CLEC16A: variants seen among roughly 807,000 people sequenced by gnomAD.
CLEC16A encodes protein CLEC16A.
In CLEC16A, 51 loss-of-function variants were observed where a neutral mutation model predicts 109.5. That is an observed-to-expected ratio of 0.47 (90% CI 0.37 to 0.59). The LOEUF is 0.59. CLEC16A is among the 20% of genes least tolerant of loss of function. The pLI, the probability that CLEC16A is intolerant of heterozygous loss-of-function variation, is 0.00. For synonymous variants in CLEC16A, 673 were observed against 564.2 expected, an observed-to-expected ratio of 1.19 and a Z score of -2.73; for missense variants, 1,339 against 1,394.0, an observed-to-expected ratio of 0.96 and a Z score of 0.63.
intron 19 of CLEC16A, among the ~76,000 whole-genome samples, chr16:11,099,085 A>G (rs1001839510): frequency 6.8e-6 from 1 of 146,092 alleles, no homozygotes; most frequent in Non-Finnish European, 1.5e-5. Flanking sequence ...CATGGGAGTC[A>G]TAACCCCCAG....
intron 22 of CLEC16A, chr16:11,157,241 GTCAGTGA>G (rs1272977346): frequency 8.3e-7 from 1 of 1,207,094 alleles, no homozygotes; most frequent in Non-Finnish European, 1.1e-6. Context: ...GTGCAGCCTA[GTCAGTGA>G]TCAGTGATGT....
chr16:11,052,725 G>A lies in CLEC16A; in HGVS notation c.1995+1084G>A, dbSNP rs75543503. Among the ~76,000 whole-genome samples, 695 of 152,260 alleles carry A rather than the reference G, an allele frequency of 4.6e-3. 5 individuals carry two copies. The highest frequency in any genetic ancestry group is 0.031 in the Middle Eastern group (9 of 294). On this transcript the variant is annotated intron_variant, in intron 18 of 23. Coordinates refer to ENST00000409790, the MANE Select transcript of CLEC16A (RefSeq NM_015226.3). The stretch of plus-strand genomic sequence containing the variant: ...CTGGAGGACTGGTTCTGACAGATGT[G>A]TATGTGTTGCTTCATGATGCTGACG...
In CLEC16A at chr16:11,055,622, C is replaced by T. The variant is rs1283434562; in HGVS notation, c.1995+3981C>T. On this transcript the variant is annotated intron_variant, in intron 18 of 23. Transcript: ENST00000409790. ...TTTTTTTTTTGAGACGAGTCTCAGTCTGTCACCCATGCTGGAGTGCAGTGG... is the reference window on the plus strand; with the variant it reads ...TTTTTTTTTTGAGACGAGTCTCAGTTTGTCACCCATGCTGGAGTGCAGTGG... 1.3e-4 allele frequency among the ~76,000 whole-genome samples: 14 copies of T among 107,120 alleles called. No individual in the cohort carries two copies. In the Admixed American group the frequency reaches 2.0e-3, roughly 16 times the overall value. The allele number at this position is 107,120 out of a possible 152,430, so 70.3% of individuals were successfully genotyped here. A position where few individuals can be genotyped will look rare whatever the true frequency, so the allele number is the denominator to read the frequency against.
intron 22 of CLEC16A, among the ~76,000 whole-genome samples, chr16:11,151,427 T>C (rs1317687356): frequency 6.6e-6 from 1 of 152,224 alleles, no homozygotes; most frequent in Non-Finnish European, 1.5e-5. Flanking sequence ...TGCCCAGTGC[T>C]CCAGGCTGAA....
chr16:11,110,419 C>T (rs557449559), intron 19 of CLEC16A, among the ~76,000 whole-genome samples: 17 of 152,336 alleles, frequency 1.1e-4, no homozygotes, highest in Non-Finnish European at 2.2e-4. Flanking sequence ...TCAGGGGAGG[C>T]CTCACTGCAG....
At chr16:10,955,130 A>G (rs1428169355) in intron 1 of CLEC16A, among the ~76,000 whole-genome samples, 1 of 152,240 alleles carries the variant, frequency 6.6e-6, no homozygotes, top group Non-Finnish European at 1.5e-5. Context: ...GCAGGGCCAA[A>G]GGTCAAGCCC....
At chr16:10,992,135 T>C (rs1013525507) in intron 10 of CLEC16A, among the ~76,000 whole-genome samples, 1 of 152,154 alleles carries the variant, frequency 6.6e-6, no homozygotes, top group Admixed American at 6.5e-5. Context: ...TTTGTTAGTT[T>C]CATGGGCAAA....
In CLEC16A at chr16:11,042,375, T is replaced by TCC. The variant is rs778216532; in HGVS notation, c.1770+13_1770+14dup. 1 of 1,549,870 alleles carries TCC rather than the reference T, an allele frequency of 6.5e-7. No homozygotes were observed. Among genetic ancestry groups the TCC allele is most frequent in the Admixed American group, 1.9e-5 (1 of 53,156 alleles). ...TGGCCTGCCTGGAGGTAACGCCCTC[T>TCC]CCGCTCCTCCTTCCTGTGGGCCAAG... On this transcript the variant is annotated intron_variant, in intron 15 of 23. Coordinates refer to ENST00000409790, the MANE Select transcript of CLEC16A (RefSeq NM_015226.3).
At chr16:10,987,759 A>G (rs1303604937) in intron 10 of CLEC16A, among the ~76,000 whole-genome samples, 9 of 152,110 alleles carry the variant, frequency 5.9e-5, no homozygotes, top group South Asian at 2.1e-4. Flanking sequence ...ACAGACTCCT[A>G]TTGTTTCCTG....
At chr16:10,986,877 A>G (rs542891775) in intron 10 of CLEC16A, among the ~76,000 whole-genome samples, 27 of 151,378 alleles carry the variant, frequency 1.8e-4, no homozygotes, top group Admixed American at 3.3e-4. Flanking sequence ...TGTTTTTGAC[A>G]GAGTCTGGCT....
chr16:11,156,885 G>A (rs903442211), intron 22 of CLEC16A, among the ~76,000 whole-genome samples: 1 of 150,562 alleles, frequency 6.6e-6, no homozygotes, highest in Admixed American at 6.6e-5. Context: ...TAAGATGCAC[G>A]CATTCCTCAT....
chr16:11,042,248 C>T lies in CLEC16A; in HGVS notation c.1661-6C>T, dbSNP rs2047376794. ...TGTGCAAGGCTTACCCTGGTGTGCT[C>T]TGCAGATGGGAAGATCCGGCTGGCG... On this transcript the variant is annotated splice_region_variant and splice_polypyrimidine_tract_variant and intron_variant, in intron 14 of 23. Transcript: ENST00000409790. 1 of 1,570,370 alleles carries T rather than the reference C, an allele frequency of 6.4e-7. No individual in the cohort carries two copies. The highest frequency in any genetic ancestry group is 8.6e-7 in the Non-Finnish European group (1 of 1,157,620).
At chr16:11,034,728 G>C (rs1042681556) in intron 13 of CLEC16A, among the ~76,000 whole-genome samples, 4 of 152,218 alleles carry the variant, frequency 2.6e-5, no homozygotes, top group African/African-American at 7.2e-5. Flanking sequence ...AAGTGCAGCA[G>C]GGTTTCTTTG....
Position 11,179,095 on chromosome 16 carries a change from A to G in CLEC16A, c.*405A>G, listed in dbSNP as rs897680855. 1 of 186,346 alleles carries G rather than the reference A, an allele frequency of 5.4e-6. No individual in the cohort carries two copies. The highest frequency in any genetic ancestry group is 1.1e-5 in the Non-Finnish European group (1 of 91,294). 11.5% of individuals were successfully genotyped at this position (186,346 alleles called of 1,614,324 possible). The stretch of plus-strand genomic sequence containing the variant: ...CAGGTCACTGTACGTAGAAATTTGT[A>G]GAAAAGCAGACTTAGATAAACATCT... On this transcript the variant is annotated 3_prime_UTR_variant, in exon 24 of 24. Transcript: ENST00000409790.
intron 12 of CLEC16A, among the ~76,000 whole-genome samples, chr16:11,023,235 C>A (rs2046224717): frequency 6.6e-6 from 1 of 151,676 alleles, no homozygotes; most frequent in South Asian, 2.1e-4. Flanking sequence ...AACTTTTCAC[C>A]TTATTCTACC....
chr16:11,027,073 T>C (rs2046447872), intron 13 of CLEC16A: 6 of 1,550,578 alleles, frequency 3.9e-6, no homozygotes, highest in Non-Finnish European at 5.3e-6. Flanking sequence ...GAAAATCTCC[T>C]GAAAAAGAGG....
At position 11,058,732 on chromosome 16, in the gene CLEC16A, G is replaced by C. The variant is rs187667897; in HGVS notation, c.1996-2170G>C. 3.4e-3 allele frequency among the ~76,000 whole-genome samples: 522 copies of C among 152,232 alleles called. 6 individuals are homozygous for C. Among genetic ancestry groups the C allele is most frequent in the African/African-American group, 0.012 (495 of 41,534 alleles). On this transcript the variant is annotated intron_variant, in intron 18 of 23. Coordinates refer to ENST00000409790, the MANE Select transcript of CLEC16A (RefSeq NM_015226.3). Reference sequence around the variant, plus strand: ...GAACTTTTAAAGTATTTATTGAAAGGTTACAGTTTTTCAGAGTGGTGGGCT... The same window carrying C: ...GAACTTTTAAAGTATTTATTGAAAGCTTACAGTTTTTCAGAGTGGTGGGCT...
At chr16:11,075,386 G>GTGTGTGTGTGTGTGTGTC (rs2049294797) in intron 19 of CLEC16A, among the ~76,000 whole-genome samples, 2 of 123,286 alleles carry the variant, frequency 1.6e-5, no homozygotes, top group Non-Finnish European at 1.7e-5. Context: ...GTCTGTGTGT[G>GTGTGTGTGTGTGTGTGTC]TGTGTGTGTG....
chr16:11,151,587 G>A lies in CLEC16A; in HGVS notation c.2642-14801G>A, dbSNP rs41356. On this transcript the variant is annotated intron_variant, in intron 22 of 23. Transcript: ENST00000409790. ...AACCGTAGCTCAAAATGTCTGTTTGGGGCATGTACTCTTGCATCTGTATAG... is the reference window on the plus strand; with the variant it reads ...AACCGTAGCTCAAAATGTCTGTTTGAGGCATGTACTCTTGCATCTGTATAG... 1.9e-3 allele frequency among the ~76,000 whole-genome samples: 288 copies of A among 152,344 alleles called. 2 individuals carry two copies. The highest frequency in any genetic ancestry group is 6.7e-3 in the African/African-American group (279 of 41,566).
Sources: allele counts gnomAD v4.1 joint callset (sites outside exome capture counted in the v4.1 genomes callset), GRCh38; gene constraint gnomAD v4.1.1; transcripts MANE v1.5; gene names NCBI Gene and HGNC (gene_info 2026-07-23, HGNC 2026-07-21).